The following ALDH1L1 variants were observed in gnomAD, a reference collection of about 807,000 sequenced individuals.
ALDH1L1 encodes the protein cytosolic 10-formyltetrahydrofolate dehydrogenase.
Under a neutral mutation model 101.1 loss-of-function variants are expected in ALDH1L1, and 68 were observed. The observed-to-expected ratio is 0.67, with a 90% CI of 0.55 to 0.82. ALDH1L1 has a LOEUF of 0.82. ALDH1L1 is among the 40% of genes least tolerant of loss of function. The pLI is 0.00. For missense variants in ALDH1L1, 1,087 were observed against 1,172.7 expected (o/e 0.93, Z 1.07); for synonymous variants, 486 against 470.8 (o/e 1.03, Z -0.42).
chr3:126,131,687 T>C (rs1249437162), intron 12 of ALDH1L1, among the ~76,000 whole-genome samples, 153 bp from the exon 13 acceptor site: 5 of 152,240 alleles, frequency 3.3e-5, no homozygotes, highest in African/African-American at 9.6e-5. Context: ...ATCCATGCAA[T>C]GGGCCAGCAC....
At position 126,170,424 on chromosome 3, in the gene ALDH1L1, T is replaced by TAAAAAA. The variant is rs59239455; in HGVS notation, c.-23-9428_-23-9423dup. Among the ~76,000 whole-genome samples, 175 of 121,158 alleles carry TAAAAAA rather than the reference T, an allele frequency of 1.4e-3. 1 individual carries two copies. Among genetic ancestry groups the TAAAAAA allele is most frequent in the Admixed American group, 3.5e-3 (40 of 11,356 alleles). The allele number at this position is 121,158 out of a possible 152,430, so 79.5% of individuals were successfully genotyped here. On this transcript the variant is annotated intron_variant, in intron 1 of 22. Coordinates refer to ENST00000393434, the MANE Select transcript of ALDH1L1 (RefSeq NM_012190.4). ...CCAAACATGCACCTCTGCCTGTCAT[T>TAAAAAA]AAAAAAAAAAAAAAAAAAAGTTACT... is the stretch of plus-strand genomic sequence containing the variant.
At chr3:126,106,343 C>T (rs1200772895) in intron 21 of ALDH1L1, among the ~76,000 whole-genome samples, 3 of 152,144 alleles carry the variant, frequency 2.0e-5, no homozygotes, top group Non-Finnish European at 2.9e-5. Flanking sequence ...CACTGACATA[C>T]GATGATAATT....
chr3:126,109,343 G>C (rs565703238), intron 20 of ALDH1L1, among the ~76,000 whole-genome samples: 1 of 152,182 alleles, frequency 6.6e-6, no homozygotes, highest in African/African-American at 2.4e-5. Flanking sequence ...AGGTGTGTGT[G>C]TCTGGGCTCA....
rs183774477 is a variant in ALDH1L1 at position 126,123,124 on chromosome 3, C to A, written c.1888+1240G>T. ...AAAATATATATCATGTCAACAGCAA[C>A]CATTTGAAAGCCAGTGTAGTAATAC... On this transcript the variant is annotated intron_variant, in intron 16 of 22. Transcript: ENST00000393434. Among the ~76,000 whole-genome samples the A allele has an allele frequency of 5.3e-3, 813 of 152,202 alleles. 7 individuals carry two copies. The highest frequency in any genetic ancestry group is 0.018 in the African/African-American group (741 of 41,512).
chr3:126,140,011 A>C (rs893253706), intron 9 of ALDH1L1, among the ~76,000 whole-genome samples: 1 of 152,162 alleles, frequency 6.6e-6, no homozygotes, highest in African/African-American at 2.4e-5. Context: ...AGTGGCCCCA[A>C]AGTTCCCAAA....
intron 9 of ALDH1L1, among the ~76,000 whole-genome samples, chr3:126,144,288 A>G (rs72967738): frequency 2.0e-3 from 301 of 152,338 alleles, no homozygotes; most frequent in African/African-American, 7.0e-3. Context: ...AATACTGCCC[A>G]AAGTTATGTA....
intron 8 of ALDH1L1, among the ~76,000 whole-genome samples, chr3:126,149,742 C>T (rs552813515): frequency 6.6e-6 from 1 of 152,268 alleles, no homozygotes; most frequent in South Asian, 2.1e-4. Context: ...CAGTGCCCTC[C>T]CATGGTGACT....
chr3:126,123,095 T>C (rs2080109479), intron 16 of ALDH1L1, among the ~76,000 whole-genome samples: 1 of 152,076 alleles, frequency 6.6e-6, no homozygotes, highest in Non-Finnish European at 1.5e-5. Flanking sequence ...AGTAAAAAAA[T>C]GTAAAAATAT....
intron 1 of ALDH1L1, among the ~76,000 whole-genome samples, chr3:126,165,874 C>T (rs529762299): frequency 3.2e-4 from 49 of 152,090 alleles, no homozygotes; most frequent in African/African-American, 1.1e-3. Context: ...TTTGAAAAAC[C>T]AACTCTTGAT....
chr3:126,157,636 T>C (rs2080942275), intron 3 of ALDH1L1, 128 bp from the exon 4 acceptor site: 2 of 1,024,568 alleles, frequency 2.0e-6, no homozygotes. Flanking sequence ...TGACACCGGC[T>C]CCGGCGGGAA....
intron 8 of ALDH1L1, among the ~76,000 whole-genome samples, chr3:126,147,480 G>C (rs4646721): frequency 0.42 from 64,101 of 152,094 alleles, 14,069 homozygotes; most frequent in East Asian, 0.58. Context: ...GATTCAGTCT[G>C]GGACCTATGG....
chr3:126,169,916 GC>G (rs2081242294), intron 1 of ALDH1L1, among the ~76,000 whole-genome samples: 1 of 152,066 alleles, frequency 6.6e-6, no homozygotes, highest in Non-Finnish European at 1.5e-5. Context: ...TTCTAGTCTT[GC>G]CTAACATTTT....
intron 9 of ALDH1L1, among the ~76,000 whole-genome samples, chr3:126,145,042 G>A (rs1348734861): frequency 1.3e-5 from 2 of 152,074 alleles, no homozygotes; most frequent in Non-Finnish European, 2.9e-5. Flanking sequence ...TTTCTCCAAA[G>A]AAGACATACA....
chr3:126,141,936 A>G (rs920701769), intron 9 of ALDH1L1, among the ~76,000 whole-genome samples: 6 of 152,090 alleles, frequency 3.9e-5, no homozygotes, highest in Non-Finnish European at 8.8e-5. Flanking sequence ...AATATCAACA[A>G]AATTAACAAA....
intron 1 of ALDH1L1, chr3:126,197,694 A>G (rs962382810): frequency 1.3e-5 from 2 of 152,232 alleles, no homozygotes; most frequent in Non-Finnish European, 2.9e-5. Context: ...ATCCCCAGCC[A>G]TTCTGAGAGA....
intron 16 of ALDH1L1, 49 bp from the exon 17 acceptor site, chr3:126,118,147 G>C: frequency 6.7e-7 from 1 of 1,501,766 alleles, no homozygotes; most frequent in Non-Finnish European, 9.2e-7. Context: ...CTGGTGCTGG[G>C]GAGGCAGGAG....
chr3:126,181,071 G>A (rs560315397), upstream of ALDH1L1: 520 of 1,485,320 alleles, frequency 3.5e-4, no homozygotes, highest in Non-Finnish European at 4.5e-4. Flanking sequence ...GTGGATAGCG[G>A]CGCTTCTGCC....
chr3:126,191,348 G>A (rs2081552268), intron 1 of ALDH1L1, among the ~76,000 whole-genome samples: 1 of 152,212 alleles, frequency 6.6e-6, no homozygotes, highest in East Asian at 1.9e-4. Context: ...GCTTTTAGTG[G>A]TGAGGATGTG....
chr3:126,182,310 C>G (rs2081483394), upstream of ALDH1L1, among the ~76,000 whole-genome samples: 1 of 152,104 alleles, frequency 6.6e-6, no homozygotes, highest in African/African-American at 2.4e-5. Flanking sequence ...CCACACCCAG[C>G]TAATTTTTGT....
Sources: gnomAD v4.1 joint callset for allele counts (sites outside exome capture counted in the v4.1 genomes callset) on GRCh38, gnomAD v4.1.1 for gene constraint, MANE v1.5 for transcripts, NCBI Gene and HGNC (gene_info 2026-07-23, HGNC 2026-07-21) for gene names.